Variants in PCTP observed in about 807,000 individuals in gnomAD.
PCTP encodes the protein START domain-containing protein 2.
A neutral mutation model predicts 31.0 loss-of-function variants in PCTP; 27 were observed. That is an observed-to-expected ratio of 0.87 (90% confidence interval 0.64 to 1.20). The LOEUF (loss-of-function observed/expected upper bound fraction) is 1.20, where lower values mean the gene tolerates loss of function less well. Ranked by LOEUF, PCTP falls within the 50% of genes most tolerant of loss-of-function variation. The pLI is 0.00. For synonymous variants in PCTP, 108 were observed against 101.2 expected (o/e 1.07, Z -0.40); for missense variants, 287 against 268.2 (o/e 1.07, Z -0.49).
chr17:55,789,214 A>G (rs8082034), intron 3 of PCTP, among the ~76,000 whole-genome samples: 57,152 of 152,120 alleles, frequency 0.38, 16,658 homozygotes, highest in African/African-American at 0.82. Context: ...CCTTTCTTAC[A>G]AATCAGAATT....
At position 55,751,210 on chromosome 17, in the gene PCTP, C is replaced by T; in HGVS notation, c.107C>T (p.Thr36Ile). ...AGADWQLLVETSGISIYRLLD... is the reference protein window; with the variant it reads ...AGADWQLLVEISGISIYRLLD... ...GCCGACTGGCAGCTCCTAGTGGAGA[C>T]CTCGGGCATCAGCATCTACCGGCTG... Residue 36 changes from threonine to isoleucine, a missense_variant, in exon 1 of 6, where the codon ACC becomes ATC. Coordinates refer to ENST00000268896, the MANE Select transcript of PCTP (RefSeq NM_021213.4). 1 of 1,543,510 alleles carries T rather than the reference C, an allele frequency of 6.5e-7. No individual in the cohort carries two copies.
At chr17:55,771,042 A>T (rs78668995) in intron 2 of PCTP, 64 bp from the exon 3 acceptor site, 10 of 1,285,288 alleles carry the variant, frequency 7.8e-6, no homozygotes, top group Non-Finnish European at 1.1e-5. Flanking sequence ...CTAAGAGGTC[A>T]TACCCTTATT....
At chr17:55,768,085 C>A (rs80086489) in intron 2 of PCTP, among the ~76,000 whole-genome samples, 207 of 140,014 alleles carry the variant, frequency 1.5e-3, no homozygotes, top group Non-Finnish European at 1.9e-3. Context: ...GACCCTGTCT[C>A]AAAAAAAAAA....
chr17:55,780,222 A>T (rs1373190842), downstream of PCTP, among the ~76,000 whole-genome samples: 2 of 152,024 alleles, frequency 1.3e-5, no homozygotes, highest in Non-Finnish European at 2.9e-5. Context: ...ATATATGTGT[A>T]TGTCCATGTG....
chr17:55,843,062 AG>A (rs201038996), downstream of PCTP, among the ~76,000 whole-genome samples: 704 of 152,326 alleles, frequency 4.6e-3, 7 homozygotes, highest in African/African-American at 0.016. Flanking sequence ...AATCAAATAC[AG>A]GTTATATTAC....
chr17:55,763,751 T>A (rs1160380108), intron 1 of PCTP, among the ~76,000 whole-genome samples: 2 of 152,214 alleles, frequency 1.3e-5, no homozygotes, highest in Non-Finnish European at 2.9e-5. Context: ...TTGTCATTTT[T>A]ATAAACTTTT....
At chr17:55,756,715 A>ATGTGTGTG (rs79186953) in intron 1 of PCTP, among the ~76,000 whole-genome samples, 4 of 150,386 alleles carry the variant, frequency 2.7e-5, no homozygotes, top group African/African-American at 9.8e-5. Flanking sequence ...TGTATTATGA[A>ATGTGTGTG]TGTGTGTGTG....
At chr17:55,828,395 C>T (rs1434414340) in intron 5 of PCTP, among the ~76,000 whole-genome samples, 4 of 152,200 alleles carry the variant, frequency 2.6e-5, no homozygotes, top group East Asian at 1.9e-4. Flanking sequence ...CCTGCACAGA[C>T]GTTCCCGGCT....
At chr17:55,766,618 T>G (rs1910674588) in intron 1 of PCTP, among the ~76,000 whole-genome samples, 1 of 152,094 alleles carries the variant, frequency 6.6e-6, no homozygotes, top group African/African-American at 2.4e-5. Context: ...TGCATAGTAT[T>G]CCATGGTGTA....
chr17:55,777,415 G>T (rs1911394638), downstream of PCTP: 1 of 970,884 alleles, frequency 1.0e-6, no homozygotes, highest in African/African-American at 1.8e-5. Context: ...TCTTCCTTTT[G>T]TGAGTGTGCA....
intron 3 of PCTP, among the ~76,000 whole-genome samples, chr17:55,788,495 C>T (rs754503581): frequency 6.6e-6 from 1 of 152,128 alleles, no homozygotes; most frequent in Non-Finnish European, 1.5e-5. Flanking sequence ...GTGCCATGAA[C>T]CAAGTTGGGC....
chr17:55,775,689 G>T, intron 5 of PCTP: 1 of 1,209,912 alleles, frequency 8.3e-7, no homozygotes, highest in Non-Finnish European at 1.0e-6. Flanking sequence ...ATTCAGTAAA[G>T]CAAGTGCTTT....
intron 3 of PCTP, among the ~76,000 whole-genome samples, chr17:55,794,694 A>G: frequency 6.6e-6 from 1 of 152,072 alleles, no homozygotes; most frequent in East Asian, 1.9e-4. Flanking sequence ...AAGGCACCTA[A>G]AAGCATAAGT....
At chr17:55,773,688 G>C in intron 3 of PCTP, 36 bp from the exon 4 acceptor site, 1 of 1,577,912 alleles carries the variant, frequency 6.3e-7, no homozygotes, top group Non-Finnish European at 8.7e-7. Context: ...TGTCTACAAT[G>C]CTGGCGTTGG....
intron 1 of PCTP, among the ~76,000 whole-genome samples, chr17:55,760,003 T>C (rs1165592511): frequency 1.3e-5 from 2 of 152,256 alleles, no homozygotes; most frequent in African/African-American, 4.8e-5. Context: ...CAGATGTTTT[T>C]TTTCACGCAT....
downstream of PCTP, among the ~76,000 whole-genome samples, chr17:55,780,299 CAGTACACTATGTA>C (rs11271924): frequency 0.042 from 6,423 of 152,174 alleles, 440 homozygotes; most frequent in African/African-American, 0.14. Flanking sequence ...AACAATTAAA[CAGTACACTATGTA>C]AGTACACTAT....
rs561441194 is a variant in PCTP at position 55,800,042 on chromosome 17, TTA to T, written c.317+12392_317+12393del. Among the ~76,000 whole-genome samples the T allele has an allele frequency of 6.6e-5, 10 of 152,224 alleles. No individual in the cohort carries two copies. The South Asian group carries it at 2.1e-3, about 32-fold the overall frequency. On this transcript the variant is annotated intron_variant, in intron 3 of 3. Transcript: ENST00000572536. ...ATTTCAACCTTGGTGAATCTGATGA[TTA>T]TATGTCTTGGGGTTGCTTTTCTCGA... is the stretch of plus-strand genomic sequence containing the variant.
At chr17:55,836,334 AC>A (rs1223414643) in intron 5 of PCTP, among the ~76,000 whole-genome samples, 1 of 152,258 alleles carries the variant, frequency 6.6e-6, no homozygotes. Context: ...CTACTTGTGT[AC>A]ACTGTAAACT....
intron 3 of PCTP, among the ~76,000 whole-genome samples, chr17:55,803,090 G>A (rs1598007454): frequency 6.6e-6 from 1 of 152,186 alleles, no homozygotes; most frequent in East Asian, 1.9e-4. Context: ...GCCAAATCAT[G>A]AGTGAATTCC....
Sources: gnomAD v4.1 joint callset for allele counts (sites outside exome capture counted in the v4.1 genomes callset) on GRCh38, gnomAD v4.1.1 for gene constraint, MANE v1.5 for transcripts, NCBI Gene and HGNC (gene_info 2026-07-23, HGNC 2026-07-21) for gene names.